The following NRXN1 variants were observed in gnomAD, a reference collection of about 807,000 sequenced individuals.
The protein encoded by NRXN1 is neurexin 1.
In NRXN1, 39 loss-of-function variants were observed where a neutral mutation model predicts 150.9. The observed-to-expected ratio is 0.26, with a 90% CI of 0.20 to 0.34. The LOEUF is 0.34. NRXN1 is among the 10% of genes least tolerant of loss of function. The pLI is 1.00. For synonymous variants in NRXN1, 924 were observed against 757.0 expected (o/e 1.22, Z -3.62); for missense variants, 1,815 against 1,949.9 (o/e 0.93, Z 1.30).
chr2:50,332,111 T>C (rs2152985496), intron 17 of NRXN1, among the ~76,000 whole-genome samples: 1 of 148,670 alleles, frequency 6.7e-6, no homozygotes, highest in Non-Finnish European at 1.5e-5. Context: ...ATCGAGGTAC[T>C]AAGAAATGAA....
At chr2:50,822,526 T>G (rs1669887185) in intron 5 of NRXN1, among the ~76,000 whole-genome samples, 1 of 152,162 alleles carries the variant, frequency 6.6e-6, no homozygotes, top group African/African-American at 2.4e-5. Context: ...TCTGATGCAG[T>G]TAGCCTATAG....
At chr2:50,168,080 A>G (rs1027396474) in intron 18 of NRXN1, among the ~76,000 whole-genome samples, 3 of 151,896 alleles carry the variant, frequency 2.0e-5, no homozygotes, top group African/African-American at 7.3e-5. Flanking sequence ...ATCTTGTTTG[A>G]ATGCAAATTA....
intron 2 of NRXN1, among the ~76,000 whole-genome samples, chr2:50,993,405 G>T (rs1265980518): frequency 6.6e-6 from 1 of 151,674 alleles, no homozygotes; most frequent in Non-Finnish European, 1.5e-5. Context: ...TTCTGTTTTA[G>T]GTTCCCTTTG....
chr2:51,013,311 T>C (rs372126380), intron 2 of NRXN1, among the ~76,000 whole-genome samples: 2 of 152,146 alleles, frequency 1.3e-5, no homozygotes. Flanking sequence ...CAGAGTGTAT[T>C]CCAGGGACAC....
chr2:50,105,873 A>C (rs759937077), intron 18 of NRXN1, among the ~76,000 whole-genome samples: 4 of 151,992 alleles, frequency 2.6e-5, no homozygotes, highest in Non-Finnish European at 5.9e-5. Context: ...ATGGTTTAGA[A>C]GAACCATATA....
At chr2:50,021,332 T>C (rs759343865) in intron 21 of NRXN1, among the ~76,000 whole-genome samples, 1 of 152,196 alleles carries the variant, frequency 6.6e-6, no homozygotes, top group Non-Finnish European at 1.5e-5. Flanking sequence ...TCTGAATGTG[T>C]ACTACCTGGG....
intron 17 of NRXN1, among the ~76,000 whole-genome samples, chr2:50,414,157 A>G (rs1202753049): frequency 6.6e-6 from 1 of 152,174 alleles, no homozygotes; most frequent in African/African-American, 2.4e-5. Context: ...TACTATATTC[A>G]ATAATAGCTG....
At chr2:50,653,853 A>G (rs1197124494) in intron 5 of NRXN1, among the ~76,000 whole-genome samples, 1 of 151,832 alleles carries the variant, frequency 6.6e-6, no homozygotes, top group Non-Finnish European at 1.5e-5. Flanking sequence ...AGCTGTGATC[A>G]TCTTCTCTGC....
At chr2:49,950,292 T>C (rs1673691429) in intron 21 of NRXN1, among the ~76,000 whole-genome samples, 1 of 151,984 alleles carries the variant, frequency 6.6e-6, no homozygotes, top group Non-Finnish European at 1.5e-5. Context: ...CTAGATCTTA[T>C]TCTTGTTTCC....
chr2:50,643,938 G>A lies in NRXN1; in HGVS notation c.833-20323C>T, dbSNP rs1226396257. The stretch of plus-strand genomic sequence containing the variant: ...CTAACCTCCTCCCCAAATTGAGACT[G>A]TGAATTGAATTGCCCTCAGTCTATA... On this transcript the variant is annotated intron_variant, in intron 5 of 22. Transcript: ENST00000401669. Among the ~76,000 whole-genome samples the A allele has an allele frequency of 1.1e-4, 17 of 151,926 alleles. No individual in the cohort carries two copies. In the East Asian group the frequency reaches 3.1e-3, roughly 28 times the overall value.
chr2:50,074,278 CT>C (rs1696730028), intron 19 of NRXN1, among the ~76,000 whole-genome samples: 1 of 151,868 alleles, frequency 6.6e-6, no homozygotes, highest in African/African-American at 2.4e-5. Flanking sequence ...GAAAAGTTTC[CT>C]TTTAGTAGCC....
intron 18 of NRXN1, among the ~76,000 whole-genome samples, chr2:50,187,318 G>A (rs998920651): frequency 6.6e-6 from 1 of 151,992 alleles, no homozygotes; most frequent in African/African-American, 2.4e-5. Context: ...AGGTAAAAAG[G>A]TGGATATATA....
intron 18 of NRXN1, among the ~76,000 whole-genome samples, chr2:50,227,123 A>T (rs574044515): frequency 6.6e-6 from 1 of 151,566 alleles, no homozygotes; most frequent in Non-Finnish European, 1.5e-5. Flanking sequence ...TCTGCTTCAT[A>T]AAATTGCCAA....
chr2:50,253,266 C>G (rs1404881268), intron 17 of NRXN1, among the ~76,000 whole-genome samples: 1 of 152,084 alleles, frequency 6.6e-6, no homozygotes, highest in Non-Finnish European at 1.5e-5. Context: ...GATTTTGTAT[C>G]TTGAGACTTT....
intron 22 of NRXN1, among the ~76,000 whole-genome samples, chr2:49,942,107 C>A (rs1362634329): frequency 6.6e-6 from 1 of 152,044 alleles, no homozygotes; most frequent in Non-Finnish European, 1.5e-5. Context: ...TCACGACAAC[C>A]AAGAGGGAAT....
chr2:51,010,855 G>A (rs1667741093), intron 2 of NRXN1, among the ~76,000 whole-genome samples: 1 of 151,464 alleles, frequency 6.6e-6, no homozygotes, highest in South Asian at 2.1e-4. Context: ...CACAATCACA[G>A]TTCACTGCAA....
At chr2:50,461,653 A>G (rs1156421210) in intron 17 of NRXN1, among the ~76,000 whole-genome samples, 7 of 151,978 alleles carry the variant, frequency 4.6e-5, no homozygotes, top group Non-Finnish European at 7.4e-5. Flanking sequence ...GGCACATAGT[A>G]AGTGCTCAGC....
intron 19 of NRXN1, among the ~76,000 whole-genome samples, chr2:50,066,710 GA>G (rs888930626): frequency 1.8e-4 from 28 of 151,958 alleles, no homozygotes; most frequent in African/African-American, 6.8e-4. Flanking sequence ...TGAAAAAAAA[GA>G]AAAAACTCTC....
chr2:50,746,978 C>T (rs1203472949), intron 5 of NRXN1, among the ~76,000 whole-genome samples: 5 of 152,066 alleles, frequency 3.3e-5, no homozygotes, highest in South Asian at 4.1e-4. Flanking sequence ...CTGAAGACTG[C>T]TCACACTCCT....
Sources: allele counts gnomAD v4.1 joint callset (sites outside exome capture counted in the v4.1 genomes callset), GRCh38; gene constraint gnomAD v4.1.1; transcripts MANE v1.5; gene names NCBI Gene and HGNC (gene_info 2026-07-23, HGNC 2026-07-21).